DPP3: variants seen among roughly 807,000 people sequenced by gnomAD.
DPP3 encodes the protein dipeptidyl peptidase 3, also known as DPP III.
Under a neutral mutation model 89.8 loss-of-function variants are expected in DPP3, and 64 were observed. The ratio of observed to expected loss-of-function variants is 0.71; its 90% CI spans 0.58 to 0.88. The LOEUF (loss-of-function observed/expected upper bound fraction) is 0.88, where lower values mean the gene tolerates loss of function less well. DPP3 is among the 40% of genes least tolerant of loss of function. The probability of loss-of-function intolerance (pLI) is 0.00; values close to 1 mark genes in which losing one functional copy is unlikely to be tolerated. For missense variants in DPP3, 835 were observed against 972.5 expected, an observed-to-expected ratio of 0.86 and a Z score of 1.88; for synonymous variants, 377 against 404.3, an observed-to-expected ratio of 0.93 and a Z score of 0.81.
At position 66,482,236 on chromosome 11, in the gene DPP3, C is replaced by T. The variant is rs199628557; in HGVS notation, c.36C>T (p.Ile12=). Residue 12 remains isoleucine, a synonymous_variant, in exon 2 of 18, where the codon ATC becomes ATT. Transcript: ENST00000531863. Reference sequence around the variant, plus strand: ...CCCAGTACATCCTGCCCAATGACATCGGCGTGTCTAGCCTGGACTGCCGTG... The same window carrying T: ...CCCAGTACATCCTGCCCAATGACATTGGCGTGTCTAGCCTGGACTGCCGTG... The part of the protein sequence containing the change: ...ADTQYILPND[I]GVSSLDCREA... 6.2e-6 allele frequency: 10 copies of T among 1,614,020 alleles called. No individual in the cohort carries two copies. Among genetic ancestry groups the T allele is most frequent in the African/African-American group, 1.3e-5 (1 of 74,914 alleles).
chr11:66,501,307 C>G (rs561663898), intron 16 of DPP3, among the ~76,000 whole-genome samples: 81 of 151,884 alleles, frequency 5.3e-4, no homozygotes, highest in African/African-American at 1.8e-3. Flanking sequence ...TTGCAGTGAG[C>G]CATGATCGTG....
Position 66,507,619 on chromosome 11 carries a change from G to A in DPP3, c.2042-1460G>A, listed in dbSNP as rs185560042. ...CCGGGAACGTTCTGGGGAGGAAGGG[G>A]TGGTTCCCACTAGATCTGAAGAACA... On this transcript the variant is annotated intron_variant, in intron 17 of 17. Coordinates refer to ENST00000531863, the MANE Select transcript of DPP3 (RefSeq NM_130443.4). Among the ~76,000 whole-genome samples, 30 of 149,354 alleles carry A rather than the reference G, an allele frequency of 2.0e-4. No homozygotes were observed. In the East Asian group the frequency reaches 4.3e-3, roughly 22 times the overall value.
At position 66,504,665 on chromosome 11, in the gene DPP3, T is replaced by A; in HGVS notation, c.1932T>A (p.Tyr644Ter). Residue 644 changes from tyrosine (Y) to a stop codon, truncating the protein, a stop_gained, in exon 17 of 18, where the codon TAT (tyrosine) becomes TAA (stop). Transcript: ENST00000531863. LOFTEE classifies it high-confidence loss of function. ...GAGGGCGGGCCCTGTACGAGGGGTA[T>A]GCAACAGTCACTGATGCGCCCCCCG... ...VAGGRALYEG[Y>*]ATVTDAPPEC... is the part of the protein sequence containing the mutation. 1 of 1,613,510 alleles carries A rather than the reference T, an allele frequency of 6.2e-7. No individual in the cohort carries two copies. Among genetic ancestry groups the A allele is most frequent in the Non-Finnish European group, 8.5e-7 (1 of 1,179,852 alleles).
chr11:66,501,824 C>CTAAAAAAA (rs1590746031), intron 16 of DPP3, among the ~76,000 whole-genome samples: 1 of 93,474 alleles, frequency 1.1e-5, no homozygotes, highest in Admixed American at 1.0e-4. Flanking sequence ...GACTTTGTCT[C>CTAAAAAAA]CAAAAAAAAA....
At chr11:66,490,652 T>A (rs1855354409) in intron 6 of DPP3, among the ~76,000 whole-genome samples, 1 of 152,158 alleles carries the variant, frequency 6.6e-6, no homozygotes, top group African/African-American at 2.4e-5. Context: ...AATGATAATG[T>A]CCGCCTCCTC....
At chr11:66,496,251 C>T (rs914397069) in intron 15 of DPP3, among the ~76,000 whole-genome samples, 2 of 151,990 alleles carry the variant, frequency 1.3e-5, no homozygotes, top group Admixed American at 1.3e-4. Flanking sequence ...TTTGTTTGTT[C>T]GTTTTTGTTT....
At chr11:66,506,133 G>A (rs1160847134) in intron 17 of DPP3, among the ~76,000 whole-genome samples, 1 of 152,020 alleles carries the variant, frequency 6.6e-6, no homozygotes, top group Non-Finnish European at 1.5e-5. Context: ...ATTTTTTTTA[G>A]TAGAGACGGG....
At chr11:66,491,009 T>C (rs1240543293) in intron 6 of DPP3, among the ~76,000 whole-genome samples, 6 of 152,152 alleles carry the variant, frequency 3.9e-5, no homozygotes, top group Non-Finnish European at 8.8e-5. Context: ...CCTCAGGCGA[T>C]CTGCCCGTCT....
Position 66,493,651 on chromosome 11 carries a change from A to G in DPP3, c.1389+18A>G. On this transcript the variant is annotated intron_variant, in intron 12 of 17. Coordinates refer to ENST00000531863, the MANE Select transcript of DPP3 (RefSeq NM_130443.4). Reference sequence around the variant, plus strand: ...TCGTACAGGTGAGAAGGCAGTGGCCAGCCCTGGCACCCCAGCCTACAGCTC... The same window carrying G: ...TCGTACAGGTGAGAAGGCAGTGGCCGGCCCTGGCACCCCAGCCTACAGCTC... 1 of 1,597,046 alleles carries G rather than the reference A, an allele frequency of 6.3e-7. No individual in the cohort carries two copies. Among genetic ancestry groups the G allele is most frequent in the East Asian group, 2.3e-5 (1 of 43,940 alleles).
At chr11:66,502,312 CT>C (rs1169248661) in intron 16 of DPP3, among the ~76,000 whole-genome samples, 574 of 143,402 alleles carry the variant, frequency 4.0e-3, no homozygotes, top group Middle Eastern at 7.4e-3. Flanking sequence ...GAGTGTCCGT[CT>C]TTTTTTTTTT....
chr11:66,496,703 C>T (rs1175247355), intron 15 of DPP3, among the ~76,000 whole-genome samples: 1 of 152,076 alleles, frequency 6.6e-6, no homozygotes, highest in Admixed American at 6.6e-5. Context: ...TGTGAGCCAC[C>T]GCATCCCACC....
Position 66,485,041 on chromosome 11 carries a change from CT to C in DPP3, c.271-131del. On this transcript the variant is annotated intron_variant, in intron 2 of 17. Transcript: ENST00000531863. ...GGGCCAGACTGGGGCTTCCCAGGAC[CT>C]AGGTCCTGCCCACACATTTCCCAGC... is the stretch of plus-strand genomic sequence containing the variant. The C allele has an allele frequency of 6.0e-6, 5 of 836,448 alleles. No individual in the cohort carries two copies. In the South Asian group the frequency reaches 7.8e-5, roughly 13 times the overall value. The allele number at this position is 836,448 out of a possible 1,614,324, so 51.8% of individuals were successfully genotyped here.
chr11:66,506,783 T>C (rs1343239686), intron 17 of DPP3, among the ~76,000 whole-genome samples: 1 of 152,162 alleles, frequency 6.6e-6, no homozygotes, highest in Non-Finnish European at 1.5e-5. Flanking sequence ...GATCTTTGCC[T>C]GTCTGGTTCT....
At chr11:66,501,361 CAA>C (rs908610259) in intron 16 of DPP3, among the ~76,000 whole-genome samples, 1 of 131,160 alleles carries the variant, frequency 7.6e-6, no homozygotes, top group African/African-American at 2.8e-5. Context: ...AATTACGTCT[CAA>C]AAAAAAAAAG....
intron 9 of DPP3, chr11:66,492,426 T>G: frequency 2.8e-6 from 1 of 356,430 alleles, no homozygotes; most frequent in Non-Finnish European, 5.0e-6. Context: ...GCTGGAGAGA[T>G]TAGCCTGGGA....
chr11:66,489,647 T>C (rs1855322722), intron 6 of DPP3, among the ~76,000 whole-genome samples: 1 of 152,186 alleles, frequency 6.6e-6, no homozygotes, highest in Admixed American at 6.5e-5. Context: ...AAACCACCTT[T>C]TCATGCTCAT....
intron 16 of DPP3, among the ~76,000 whole-genome samples, chr11:66,500,464 C>T (rs555240645): frequency 6.6e-6 from 1 of 152,256 alleles, no homozygotes; most frequent in Admixed American, 6.5e-5. Context: ...CCTTGATCAA[C>T]TAAGGGAAGA....
At chr11:66,484,533 G>A (rs1327744149) in intron 2 of DPP3, among the ~76,000 whole-genome samples, 1 of 152,012 alleles carries the variant, frequency 6.6e-6, no homozygotes, top group Non-Finnish European at 1.5e-5. Context: ...TTTGCCAATG[G>A]GAAATGTCCT....
At chr11:66,491,662 C>T (rs80263133) in intron 8 of DPP3, 36 bp from the exon 9 acceptor site, 2 of 1,609,508 alleles carry the variant, frequency 1.2e-6, no homozygotes, top group South Asian at 1.1e-5. Context: ...CCCCTCCTGC[C>T]TGCCCCTCCT....
Sources: gnomAD v4.1 joint callset for allele counts (sites outside exome capture counted in the v4.1 genomes callset) on GRCh38, gnomAD v4.1.1 for gene constraint, MANE v1.5 for transcripts, NCBI Gene and HGNC (gene_info 2026-07-23, HGNC 2026-07-21) for gene names.